The following SMIM35 variants were observed in gnomAD, a reference collection of about 807,000 sequenced individuals.
The protein encoded by SMIM35 is small integral membrane protein 35.
At chr11:118,008,309 G>A (rs148196405) in intron 4 of SMIM35, among the ~76,000 whole-genome samples, 1 of 152,254 alleles carries the variant, frequency 6.6e-6, no homozygotes, top group East Asian at 1.9e-4. Flanking sequence ...CTTCTAGATG[G>A]TTTTAGATCA....
At chr11:118,066,616 G>A (rs1944478273) in intron 1 of SMIM35, among the ~76,000 whole-genome samples, 1 of 151,978 alleles carries the variant, frequency 6.6e-6, no homozygotes, top group East Asian at 1.9e-4. Context: ...AATATCTGAA[G>A]GCATAATACA....
intron 1 of SMIM35, among the ~76,000 whole-genome samples, chr11:118,027,691 T>A (rs2058285806): frequency 6.6e-6 from 1 of 152,208 alleles, no homozygotes; most frequent in Admixed American, 6.5e-5. Context: ...CCTCATCCAA[T>A]CCACCCATTG....
intron 1 of SMIM35, among the ~76,000 whole-genome samples, chr11:118,034,777 C>G (rs1013049176): frequency 6.6e-6 from 1 of 152,180 alleles, no homozygotes; most frequent in Non-Finnish European, 1.5e-5. Context: ...TTTCTATATG[C>G]ACCAAGCTAT....
chr11:118,077,630 T>C (rs1331525463), intron 1 of SMIM35, among the ~76,000 whole-genome samples: 1 of 152,194 alleles, frequency 6.6e-6, no homozygotes, highest in Non-Finnish European at 1.5e-5. Flanking sequence ...GGTTAGAGGT[T>C]GGCACTATTT....
chr11:118,073,174 G>C (rs1413272690), intron 1 of SMIM35, among the ~76,000 whole-genome samples: 1 of 152,236 alleles, frequency 6.6e-6, no homozygotes, highest in African/African-American at 2.4e-5. Flanking sequence ...CTGACCTCAA[G>C]TGATCCACCT....
At chr11:118,029,922 C>A in intron 1 of SMIM35, 1 of 380,016 alleles carries the variant, frequency 2.6e-6, no homozygotes, top group Non-Finnish European at 5.2e-6. Flanking sequence ...TAGTTAACAG[C>A]TCTCTAGAAT....
intron 1 of SMIM35, among the ~76,000 whole-genome samples, chr11:118,020,662 T>G (rs2058220741): frequency 6.6e-6 from 1 of 152,204 alleles, no homozygotes; most frequent in South Asian, 2.1e-4. Context: ...GGAGCTTGTT[T>G]TGTGTATATT....
intron 1 of SMIM35, among the ~76,000 whole-genome samples, chr11:118,048,946 C>CAAAAAAAAAAAAAAAAA (rs57261529): frequency 0.026 from 1,537 of 60,224 alleles, 278 homozygotes; most frequent in Non-Finnish European, 0.037. Context: ...TGAAGAGCTG[C>CAAAAAAAAAAAAAAAAA]AAAAAAAAAA....
intron 1 of SMIM35, among the ~76,000 whole-genome samples, chr11:118,030,555 T>C (rs1202737116): frequency 6.6e-6 from 1 of 152,028 alleles, no homozygotes. Flanking sequence ...CCAGCCGCCA[T>C]TGGTGGTGGA....
chr11:118,020,348 G>A (rs562972660), intron 1 of SMIM35, among the ~76,000 whole-genome samples: 1 of 152,206 alleles, frequency 6.6e-6, no homozygotes, highest in East Asian at 1.9e-4. Context: ...TCCCTCATAA[G>A]CATGTTAGTT....
At chr11:118,007,911 C>CCAGGCT (rs960510361) in intron 4 of SMIM35, among the ~76,000 whole-genome samples, 5 of 151,278 alleles carry the variant, frequency 3.3e-5, no homozygotes, top group African/African-American at 1.2e-4. Flanking sequence ...TGCTCTGTCT[C>CCAGGCT]CAGGCTGGAG....
At chr11:118,033,682 G>A (rs112426552) in intron 1 of SMIM35, among the ~76,000 whole-genome samples, 1 of 152,244 alleles carries the variant, frequency 6.6e-6, no homozygotes, top group African/African-American at 2.4e-5. Context: ...TCCCTCGGGG[G>A]CACTTCAAGA....
chr11:118,058,707 C>T (rs762521393), intron 1 of SMIM35, among the ~76,000 whole-genome samples: 1 of 152,250 alleles, frequency 6.6e-6, no homozygotes, highest in African/African-American at 2.4e-5. Flanking sequence ...CCGAGGGCTG[C>T]GGCGCAGAGC....
At chr11:118,076,840 C>T (rs148047751) in intron 1 of SMIM35, among the ~76,000 whole-genome samples, 16 of 152,138 alleles carry the variant, frequency 1.1e-4, no homozygotes, top group African/African-American at 3.1e-4. Flanking sequence ...GGAGGGGGGG[C>T]GGAAACTTCT....
chr11:118,053,537 C>G (rs1252331746), intron 1 of SMIM35, among the ~76,000 whole-genome samples: 3 of 152,160 alleles, frequency 2.0e-5, no homozygotes, highest in Admixed American at 2.0e-4. Context: ...TTCAACTCCT[C>G]CAAACAGCAG....
intron 4 of SMIM35, among the ~76,000 whole-genome samples, chr11:118,006,992 T>C (rs568946701): frequency 6.6e-6 from 1 of 152,164 alleles, no homozygotes; most frequent in African/African-American, 2.4e-5. Flanking sequence ...CCTCTGGAAA[T>C]ACAAAAGGCA....
intron 1 of SMIM35, chr11:118,077,365 C>T (rs653764): frequency 0.15 from 224,903 of 1,524,356 alleles, 17,650 homozygotes; most frequent in East Asian, 0.28. Context: ...CATGTAAGGC[C>T]CTTCAAGCAG....
intron 1 of SMIM35, chr11:118,028,848 A>G: frequency 2.2e-6 from 1 of 451,982 alleles, no homozygotes; most frequent in South Asian, 1.6e-5. Context: ...GAGAAGAAAA[A>G]GGAGGAGGAA....
chr11:118,080,583 A>G (rs914183533), intron 1 of SMIM35, among the ~76,000 whole-genome samples: 1 of 152,124 alleles, frequency 6.6e-6, no homozygotes, highest in African/African-American at 2.4e-5. Flanking sequence ...GTCTTCCCTC[A>G]GTGCAGCTGA....
Sources: allele counts gnomAD v4.1 joint callset (sites outside exome capture counted in the v4.1 genomes callset), GRCh38; gene constraint gnomAD v4.1.1; transcripts MANE v1.5; gene names NCBI Gene and HGNC (gene_info 2026-07-23, HGNC 2026-07-21).